FOXC1: variants seen among roughly 807,000 people sequenced by gnomAD.
FOXC1 encodes the protein forkhead box C1.
Under a neutral mutation model 8.1 loss-of-function variants are expected in FOXC1, and 5 were observed. The observed-to-expected ratio is 0.62, with a 90% CI of 0.32 to 1.30. The LOEUF is 1.30. FOXC1 is among the 50% of genes most tolerant of loss of function. FOXC1 has a pLI of 0.05. For missense variants in FOXC1, 942 were observed against 858.0 expected (o/e 1.10, Z -1.22); for synonymous variants, 552 against 417.2 (o/e 1.32, Z -3.94).
chr6:1,611,314 C>A lies in FOXC1; in HGVS notation c.869C>A (p.Ser290Tyr), dbSNP rs775681400. The A allele has an allele frequency of 7.1e-7, 1 of 1,409,662 alleles. No homozygotes were observed. 87.3% of individuals were successfully genotyped at this position (1,409,662 alleles called of 1,614,324 possible). ...ARPLSLDGAD[S>Y]APPPPAPSAP... ...CCGCTCAGCCTGGACGGTGCGGATT[C>A]CGCGCCGCCGCCGCCCGCGCCCTCC... Residue 290 changes from serine to tyrosine, a missense_variant, in exon 1 of 1, where the codon TCC becomes TAC. Physicochemically the swap from Ser to Tyr is moderately radical, Grantham distance 144. Coordinates refer to ENST00000645831, the MANE Select transcript of FOXC1 (RefSeq NM_001453.3). This position sits in a 1 kb window ranked among gnomAD's most constrained non-coding sequence, Gnocchi z 7.1.
chr6:1,610,745 C>T lies in FOXC1; in HGVS notation c.300C>T (p.Thr100=), dbSNP rs1561674744. The T allele has an allele frequency of 3.1e-6, 5 of 1,613,912 alleles. No homozygotes were observed. Among genetic ancestry groups the T allele is most frequent in the East Asian group, 4.5e-5 (2 of 44,836 alleles). Residue 100 remains threonine, a synonymous_variant, in exon 1 of 1, where the codon ACC becomes ACT. Coordinates refer to ENST00000645831, the MANE Select transcript of FOXC1 (RefSeq NM_001453.3). ...AIQNAPDKKI[T]LNGIYQFIMD... is the part of the protein sequence containing the mutation. ...AGAACGCCCCGGACAAGAAGATCAC[C>T]CTGAACGGCATCTACCAGTTCATCA...
chr6:1,610,559 C>T lies in FOXC1; in HGVS notation c.114C>T (p.Thr38=), dbSNP rs538126253. 1.6e-4 allele frequency: 252 copies of T among 1,566,448 alleles called. No individual in the cohort carries two copies. In the African/African-American group the frequency reaches 3.1e-3, roughly 19 times the overall value. Residue 38 remains threonine, a synonymous_variant, in exon 1 of 1, where the codon ACC becomes ACT. Transcript: ENST00000645831. ...CCGCGGCGGCCGGGGGCGGCTACACCGCCATGCCGGCCCCCATGAGCGTGT... is the reference window on the plus strand; with the variant it reads ...CCGCGGCGGCCGGGGGCGGCTACACTGCCATGCCGGCCCCCATGAGCGTGT... ...AAAAAAGGGY[T]AMPAPMSVYS...
Position 1,613,300 on chromosome 6 carries a change from C to T in FOXC1, c.*1193C>T, listed in dbSNP as rs1762586870. 4.3e-6 allele frequency: 1 copy of T among 230,500 alleles called. No individual in the cohort carries two copies. The highest frequency in any genetic ancestry group is 2.3e-5 in the African/African-American group (1 of 44,240). The allele number at this position is 230,500 out of a possible 1,614,324, so 14.3% of individuals were successfully genotyped here. A position where few individuals can be genotyped will look rare whatever the true frequency, so the allele number is the denominator to read the frequency against. ...AGCCAGATGCTGAATAGATATTTTCCTATTATTTCAGTCCTTTATAAAAGG... is the reference window on the plus strand; with the variant it reads ...AGCCAGATGCTGAATAGATATTTTCTTATTATTTCAGTCCTTTATAAAAGG... On this transcript the variant is annotated 3_prime_UTR_variant, in exon 1 of 1. Coordinates refer to ENST00000645831, the MANE Select transcript of FOXC1 (RefSeq NM_001453.3).
chr6:1,610,449 C>A lies in FOXC1; in HGVS notation c.4C>A (p.Gln2Lys), dbSNP rs867581817. 1 of 1,358,338 alleles carries A rather than the reference C, an allele frequency of 7.4e-7. No individual in the cohort carries two copies. Among genetic ancestry groups the A allele is most frequent in the Non-Finnish European group, 9.5e-7 (1 of 1,054,872 alleles). The allele number at this position is 1,358,338 out of a possible 1,614,324, so 84.1% of individuals were successfully genotyped here. Residue 2 changes from glutamine to lysine, a missense_variant, in exon 1 of 1, where the codon CAG (glutamine) becomes AAG (lysine). Around this residue, in one of 4 missense-constraint regions of FOXC1, gnomAD observed 190 missense variants for 176.8 expected, o/e 1.07. Transcript: ENST00000645831. M[Q>K]ARYSVSSPNS... is the part of the protein sequence containing the mutation. ...GGGGCGGCGGCGAGCGGGGGCCATG[C>A]AGGCGCGCTACTCCGTGTCCAGCCC...
At position 1,613,729 on chromosome 6, in the gene FOXC1, C is replaced by CG. The variant is rs1005402281; in HGVS notation, c.*1629dup. The CG allele has an allele frequency of 2.9e-4, 19 of 65,576 alleles. No individual in the cohort carries two copies. Among genetic ancestry groups the CG allele is most frequent in the East Asian group, 1.1e-3 (3 of 2,818 alleles). 4.1% of individuals were successfully genotyped at this position (65,576 alleles called of 1,614,324 possible). On this transcript the variant is annotated 3_prime_UTR_variant, in exon 1 of 1. Coordinates refer to ENST00000645831, the MANE Select transcript of FOXC1 (RefSeq NM_001453.3). ...AGATGGCGATTTGATTACAGACGTT[C>CG]GGGGGGGTGGGGGGCTTGCAGTTTG...
chr6:1,611,006 C>A lies in FOXC1; in HGVS notation c.561C>A (p.Asp187Glu). ...CGGTGAAGGACAAGGAGGAGAAGGA[C>A]AGGCTGCACCTCAAGGAGCCGCCCC... ...KDAVKDKEEK[D>E]RLHLKEPPPP... is the part of the protein sequence containing the mutation. The change falls in exon 1 of 1, where the codon GAC becomes GAA. Residue 187 changes from aspartate to glutamate, a missense_variant. This residue lies in a region of FOXC1 where 726 missense variants were observed against 599.6 expected (regional missense o/e 1.21). Transcript: ENST00000645831. This position sits in a 1 kb window ranked among gnomAD's most constrained non-coding sequence, Gnocchi z 7.1. 6.2e-7 allele frequency: 1 copy of A among 1,607,934 alleles called. No homozygotes were observed. Among genetic ancestry groups the A allele is most frequent in the Non-Finnish European group, 8.5e-7 (1 of 1,177,806 alleles).
Position 1,610,499 on chromosome 6 carries a change from C to T in FOXC1, c.54C>T (p.Tyr18=). The T allele has an allele frequency of 6.6e-7, 1 of 1,505,664 alleles. No individual in the cohort carries two copies. Among genetic ancestry groups the T allele is most frequent in the South Asian group, 1.3e-5 (1 of 76,356 alleles). The allele number at this position is 1,505,664 out of a possible 1,614,324, so 93.3% of individuals were successfully genotyped here. The change falls in exon 1 of 1, where the codon TAC becomes TAT. Residue 18 remains tyrosine, a synonymous_variant. Coordinates refer to ENST00000645831, the MANE Select transcript of FOXC1 (RefSeq NM_001453.3). ...CCAACTCCCTGGGAGTGGTGCCCTA[C>T]CTCGGCGGCGAGCAGAGCTACTACC... ...SSPNSLGVVP[Y]LGGEQSYYRA... is the part of the protein sequence containing the mutation.
rs774848608 is a variant in FOXC1, at chr6:1,611,367, TTCAGCGTGGACAACA to T, written c.926_940del (p.Ser309_Ile313del). On this transcript the variant is annotated inframe_deletion, in exon 1 of 1. Coordinates refer to ENST00000645831, the MANE Select transcript of FOXC1 (RefSeq NM_001453.3). This position sits in a 1 kb window ranked among gnomAD's most constrained non-coding sequence, Gnocchi z 7.1. ...CCCGCCGCCGCACCATAGCCAGGGC[TTCAGCGTGGACAACA>T]TCATGACGTCGCTGCGGGGGTCGCC... 2.7e-5 allele frequency: 39 copies of T among 1,442,758 alleles called. No individual in the cohort carries two copies. The South Asian group carries it at 3.7e-4, about 14-fold the overall frequency. The allele number at this position is 1,442,758 out of a possible 1,614,324, so 89.4% of individuals were successfully genotyped here.
Position 1,613,770 on chromosome 6 carries a change from A to G in FOXC1, c.*1663A>G, listed in dbSNP as rs1194066891. On this transcript the variant is annotated 3_prime_UTR_variant, in exon 1 of 1. Coordinates refer to ENST00000645831, the MANE Select transcript of FOXC1 (RefSeq NM_001453.3). ...TTGCAGTTTGTTTTGGAGATAATAC[A>G]GTTTCCTGCTATCTGCCGCTCCTAT... 1 of 227,744 alleles carries G rather than the reference A, an allele frequency of 4.4e-6. No homozygotes were observed. The highest frequency in any genetic ancestry group is 9.5e-6 in the Non-Finnish European group (1 of 105,520). The allele number at this position is 227,744 out of a possible 1,614,324, so 14.1% of individuals were successfully genotyped here.
chr6:1,612,894 T>C lies in FOXC1; in HGVS notation c.*787T>C. The C allele has an allele frequency of 4.6e-6, 1 of 217,884 alleles. No homozygotes were observed. The highest frequency in any genetic ancestry group is 1.0e-5 in the Non-Finnish European group (1 of 99,222). 13.5% of individuals were successfully genotyped at this position (217,884 alleles called of 1,614,324 possible). A position where few individuals can be genotyped will look rare whatever the true frequency, so the allele number is the denominator to read the frequency against. On this transcript the variant is annotated 3_prime_UTR_variant, in exon 1 of 1. Coordinates refer to ENST00000645831, the MANE Select transcript of FOXC1 (RefSeq NM_001453.3). ...AAAAAAGATTTCAGAGATAAAACAC[T>C]AGAAGTTACCTATTCTCCACCTAAA...
rs957987530 is a variant in FOXC1, at chr6:1,610,864, C to G, written c.419C>G (p.Pro140Arg). 2 of 1,614,068 alleles carry G rather than the reference C, an allele frequency of 1.2e-6. No individual in the cohort carries two copies. Among genetic ancestry groups the G allele is most frequent in the Non-Finnish European group, 1.7e-6 (2 of 1,180,004 alleles). ...CTCAACGAGTGCTTCGTCAAGGTGCCGCGCGACGACAAGAAGCCGGGCAAG... is the reference window on the plus strand; with the variant it reads ...CTCAACGAGTGCTTCGTCAAGGTGCGGCGCGACGACAAGAAGCCGGGCAAG... Reference protein sequence around the residue: ...LSLNECFVKVPRDDKKPGKGS... With the variant: ...LSLNECFVKVRRDDKKPGKGS... Residue 140 changes from proline (P) to arginine (R), a missense_variant, in exon 1 of 1, where the codon CCG (proline) becomes CGG (arginine). Physicochemically the swap from Pro to Arg is moderately radical, Grantham distance 103 (BLOSUM62 -2). Around this residue, in one of 4 missense-constraint regions of FOXC1, gnomAD observed 26 missense variants for 65.5 expected, o/e 0.40. Transcript: ENST00000645831.
chr6:1,612,365 T>C lies in FOXC1; in HGVS notation c.*258T>C. ...TAAATAAACAAACCCGTAAACTGTT[T>C]TATACAGAGACAGCAAAATCTTGGT... On this transcript the variant is annotated 3_prime_UTR_variant, in exon 1 of 1. Coordinates refer to ENST00000645831, the MANE Select transcript of FOXC1 (RefSeq NM_001453.3). 1.6e-6 allele frequency: 1 copy of C among 608,622 alleles called. No individual in the cohort carries two copies. Among genetic ancestry groups the C allele is most frequent in the Non-Finnish European group, 2.9e-6 (1 of 338,990 alleles). The allele number at this position is 608,622 out of a possible 1,614,324, so 37.7% of individuals were successfully genotyped here.
rs1390820584 is a variant in FOXC1 at position 1,610,743 on chromosome 6, A to G, written c.298A>G (p.Thr100Ala). 1.2e-6 allele frequency: 2 copies of G among 1,613,800 alleles called. No homozygotes were observed. Among genetic ancestry groups the G allele is most frequent in the Non-Finnish European group, 1.7e-6 (2 of 1,179,986 alleles). The change falls in exon 1 of 1, where the codon ACC becomes GCC. Residue 100 changes from threonine to alanine, a missense_variant. Thr to Ala is a moderately conservative substitution (Grantham distance 58, BLOSUM62 0). This residue lies in a region of FOXC1 where 190 missense variants were observed against 176.8 expected (regional missense o/e 1.07). Transcript: ENST00000645831. ...CCAGAACGCCCCGGACAAGAAGATC[A>G]CCCTGAACGGCATCTACCAGTTCAT... ...AIQNAPDKKI[T>A]LNGIYQFIMD...
rs1479631414 is a variant in FOXC1, at chr6:1,609,994, C to T, written c.-452C>T. 6.8e-6 allele frequency: 1 copy of T among 146,052 alleles called. No homozygotes were observed. The highest frequency in any genetic ancestry group is 2.6e-5 in the African/African-American group (1 of 39,120). The allele number at this position is 146,052 out of a possible 1,614,324, so 9.0% of individuals were successfully genotyped here. On this transcript the variant is annotated 5_prime_UTR_variant, in exon 1 of 1. Transcript: ENST00000645831. Reference sequence around the variant, plus strand: ...GACCGAGAAAAGGTGACGCGGGGCCCGGGCAGGCGGCCGGCGCGCGGCCCC... The same window carrying T: ...GACCGAGAAAAGGTGACGCGGGGCCTGGGCAGGCGGCCGGCGCGCGGCCCC...
In FOXC1 at chr6:1,611,441, T is replaced by C. The variant is rs976160920; in HGVS notation, c.996T>C (p.Leu332=). 7 of 1,405,208 alleles carry C rather than the reference T, an allele frequency of 5.0e-6. No homozygotes were observed. Among genetic ancestry groups the C allele is most frequent in the Non-Finnish European group, 6.5e-6 (7 of 1,080,122 alleles). 87.0% of individuals were successfully genotyped at this position (1,405,208 alleles called of 1,614,324 possible). A position where few individuals can be genotyped will look rare whatever the true frequency, so the allele number is the denominator to read the frequency against. The stretch of plus-strand genomic sequence containing the variant: ...CGGCCGCGGAGCTCAGCTCCGGCCT[T>C]CTGGCCTCGGCGGCCGCGTCCTCGC... ...QSAAAELSSG[L]LASAAASSRA... Residue 332 remains leucine (L), a synonymous_variant, in exon 1 of 1, where the codon CTT becomes CTC. Coordinates refer to ENST00000645831, the MANE Select transcript of FOXC1 (RefSeq NM_001453.3). This position sits in a 1 kb window ranked among gnomAD's most constrained non-coding sequence, Gnocchi z 7.1.
chr6:1,610,784 C>T lies in FOXC1; in HGVS notation c.339C>T (p.Pro113=), dbSNP rs774086427. 2.5e-6 allele frequency: 4 copies of T among 1,614,088 alleles called. No homozygotes were observed. The highest frequency in any genetic ancestry group is 2.2e-5 in the East Asian group (1 of 44,836). ...ACCAGTTCATCATGGACCGCTTCCC[C>T]TTCTACCGGGACAACAAGCAGGGCT... ...GIYQFIMDRF[P]FYRDNKQGWQ... The change falls in exon 1 of 1, where the codon CCC becomes CCT. Residue 113 remains proline (P), a synonymous_variant. Transcript: ENST00000645831.
chr6:1,610,485 G>A lies in FOXC1; in HGVS notation c.40G>A (p.Gly14Arg), dbSNP rs1429324987. Residue 14 changes from glycine (G) to arginine (R), a missense_variant, in exon 1 of 1, where the codon GGA becomes AGA. Coordinates refer to ENST00000645831, the MANE Select transcript of FOXC1 (RefSeq NM_001453.3). The stretch of plus-strand genomic sequence containing the variant: ...CTCCGTGTCCAGCCCCAACTCCCTG[G>A]GAGTGGTGCCCTACCTCGGCGGCGA... ...RYSVSSPNSL[G>R]VVPYLGGEQS... 3 of 1,494,790 alleles carry A rather than the reference G, an allele frequency of 2.0e-6. No homozygotes were observed. Among genetic ancestry groups the A allele is most frequent in the Non-Finnish European group, 2.7e-6 (3 of 1,124,084 alleles). The allele number at this position is 1,494,790 out of a possible 1,614,324, so 92.6% of individuals were successfully genotyped here. A position where few individuals can be genotyped will look rare whatever the true frequency, so the allele number is the denominator to read the frequency against.
Position 1,611,285 on chromosome 6 carries a change from G to A in FOXC1, c.840G>A (p.Ala280=), listed in dbSNP as rs1443819886. 7.2e-7 allele frequency: 1 copy of A among 1,386,060 alleles called. No homozygotes were observed. The highest frequency in any genetic ancestry group is 9.3e-7 in the Non-Finnish European group (1 of 1,071,970). 85.9% of individuals were successfully genotyped at this position (1,386,060 alleles called of 1,614,324 possible). The change falls in exon 1 of 1, where the codon GCG becomes GCA. Residue 280 remains alanine (A), a synonymous_variant. Transcript: ENST00000645831. This position sits in a 1 kb window ranked among gnomAD's most constrained non-coding sequence, Gnocchi z 7.1. Reference sequence around the variant, plus strand: ...GCCCCCCGGGCAGCCTGCCGTCGGCGCGGCCGCTCAGCCTGGACGGTGCGG... The same window carrying A: ...GCCCCCCGGGCAGCCTGCCGTCGGCACGGCCGCTCAGCCTGGACGGTGCGG... ...GSSPPGSLPS[A]RPLSLDGADS...
Position 1,612,177 on chromosome 6 carries a change from TCGAAACTAAAA to T in FOXC1, c.*71_*81del. 6.3e-7 allele frequency: 1 copy of T among 1,592,210 alleles called. No homozygotes were observed. Among genetic ancestry groups the T allele is most frequent in the African/African-American group, 1.4e-5 (1 of 71,674 alleles). ...GCTAAAGGAACCCATCAAGGCAAAATCGAAACTAAAAAAAAAAAATCCAATTAAAAAAAACC... is the reference window on the plus strand; with the variant it reads ...GCTAAAGGAACCCATCAAGGCAAAATAAAAAAAATCCAATTAAAAAAAACC... On this transcript the variant is annotated 3_prime_UTR_variant, in exon 1 of 1. Transcript: ENST00000645831.
Sources: gnomAD v4.1 joint callset for allele counts on GRCh38, gnomAD v4.1.1 for gene constraint, gnomAD v4.1.1 regional missense constraint, Gnocchi (gnomAD v3.1) non-coding constraint, MANE v1.5 for transcripts, NCBI Gene and HGNC (gene_info 2026-07-23, HGNC 2026-07-21) for gene names.